LIX1: variants seen among roughly 807,000 people sequenced by gnomAD.
The protein encoded by LIX1 is protein limb expression 1 homolog.
In LIX1, 24 loss-of-function variants were observed where a neutral mutation model predicts 33.4. The observed-to-expected ratio is 0.72, with a 90% CI of 0.52 to 1.01. The LOEUF (loss-of-function observed/expected upper bound fraction) is 1.01, where lower values mean the gene tolerates loss of function less well. Among genes scored for constraint, LIX1 ranks in the 50% least tolerant of loss-of-function variants. The probability of loss-of-function intolerance (pLI) is 0.00; values close to 1 mark genes in which losing one functional copy is unlikely to be tolerated. For missense variants in LIX1, 311 were observed against 339.2 expected, an observed-to-expected ratio of 0.92 and a Z score of 0.65; for synonymous variants, 124 against 124.0, an observed-to-expected ratio of 1.00 and a Z score of 0.00.
chr5:97,107,487 C>T lies in LIX1; in HGVS notation c.260G>A (p.Arg87Lys). 1 of 1,614,048 alleles carries T rather than the reference C, an allele frequency of 6.2e-7. No individual in the cohort carries two copies. Among genetic ancestry groups the T allele is most frequent in the Non-Finnish European group, 8.5e-7 (1 of 1,179,986 alleles). Reference sequence around the variant, plus strand: ...AGCTGCATCCCGCCTGGCCTCGGCTCTACTTAAGCAGCACTTGAGAAGGGA... The same window carrying T: ...AGCTGCATCCCGCCTGGCCTCGGCTTTACTTAAGCAGCACTTGAGAAGGGA... ...CFGNFQCCLS[R>K]AEARRDAAKV... The change falls in exon 3 of 6, where the codon AGA becomes AAA. Residue 87 changes from arginine (R) to lysine (K), a missense_variant. Transcript: ENST00000274382.
At chr5:97,098,120 G>A (rs1228506318) in intron 4 of LIX1, among the ~76,000 whole-genome samples, 2 of 152,172 alleles carry the variant, frequency 1.3e-5, no homozygotes, top group South Asian at 2.1e-4. Context: ...TAAATTTATT[G>A]TAATTTTGTC....
intron 2 of LIX1, among the ~76,000 whole-genome samples, chr5:97,123,288 G>A (rs1000620888): frequency 2.9e-4 from 44 of 152,040 alleles, no homozygotes; most frequent in African/African-American, 1.0e-3. Context: ...TTGGATAGGG[G>A]AGGGCGATTG....
At chr5:97,123,121 A>T (rs377084077) in intron 2 of LIX1, among the ~76,000 whole-genome samples, 20 of 151,832 alleles carry the variant, frequency 1.3e-4, no homozygotes, top group African/African-American at 4.6e-4. Flanking sequence ...TTCTTCTTTT[A>T]TTTCCCCCAC....
intron 4 of LIX1, among the ~76,000 whole-genome samples, chr5:97,100,039 A>C (rs573771521): frequency 2.3e-4 from 35 of 152,242 alleles, no homozygotes; most frequent in Middle Eastern, 3.4e-3. Context: ...CCATCCTCTG[A>C]TAACTGTTGA....
intron 4 of LIX1, among the ~76,000 whole-genome samples, chr5:97,099,787 CG>C (rs1746592332): frequency 6.6e-6 from 1 of 152,116 alleles, no homozygotes; most frequent in Non-Finnish European, 1.5e-5. Context: ...CAGTCAGCTG[CG>C]ATCGCGATAC....
chr5:97,102,542 C>G lies in LIX1; in HGVS notation c.483+2648G>C, dbSNP rs191435676. On this transcript the variant is annotated intron_variant, in intron 4 of 5. Transcript: ENST00000274382. The stretch of plus-strand genomic sequence containing the variant: ...ATCTTCCTCTTCCTTTGTCTCCATC[C>G]TGTATCCAGACTCCTTTAGGAGAAT... Among the ~76,000 whole-genome samples the G allele has an allele frequency of 8.7e-4, 132 of 152,304 alleles. 1 individual carries two copies. Among genetic ancestry groups the G allele is most frequent in the African/African-American group, 3.1e-3 (128 of 41,560 alleles).
intron 5 of LIX1, among the ~76,000 whole-genome samples, chr5:97,096,232 G>A (rs1746369723): frequency 6.6e-6 from 1 of 152,166 alleles, no homozygotes; most frequent in African/African-American, 2.4e-5. Context: ...AAAGGGGGAA[G>A]GGTGCTTCTC....
chr5:97,139,251 T>C (rs1315319958), intron 1 of LIX1, among the ~76,000 whole-genome samples: 1 of 152,224 alleles, frequency 6.6e-6, no homozygotes, highest in Non-Finnish European at 1.5e-5. Flanking sequence ...AATAAATGTT[T>C]CTAGTACAGT....
intron 4 of LIX1, chr5:97,102,920 A>G: frequency 2.8e-6 from 1 of 359,190 alleles, no homozygotes; most frequent in South Asian, 2.1e-5. Flanking sequence ...GAATTAAATG[A>G]AATTCCTGCT....
chr5:97,114,052 G>T (rs1747554002), intron 2 of LIX1, among the ~76,000 whole-genome samples: 1 of 152,220 alleles, frequency 6.6e-6, no homozygotes, highest in Non-Finnish European at 1.5e-5. Flanking sequence ...CTAGGCCAGA[G>T]ATCAGATGTT....
intron 1 of LIX1, among the ~76,000 whole-genome samples, chr5:97,131,616 T>C (rs1748058229): frequency 6.6e-6 from 1 of 152,234 alleles, no homozygotes; most frequent in Non-Finnish European, 1.5e-5. Flanking sequence ...ACTGGGATTC[T>C]AGAGGGCAGC....
rs148627771 is a variant in LIX1 at position 97,141,906 on chromosome 5, A to G, written c.82+589T>C. On this transcript the variant is annotated intron_variant, in intron 1 of 5. Transcript: ENST00000274382. ...TTTTGAAATAACTTTGCCATGCTGT[A>G]TAAATTGGTGATGGTGGTAGGGGGT... Among the ~76,000 whole-genome samples, 79 of 152,338 alleles carry G rather than the reference A, an allele frequency of 5.2e-4. No homozygotes were observed. The East Asian group carries it at 0.015, about 29-fold the overall frequency.
At chr5:97,131,873 A>G (rs1748063663) in intron 1 of LIX1, among the ~76,000 whole-genome samples, 1 of 152,200 alleles carries the variant, frequency 6.6e-6, no homozygotes, top group African/African-American at 2.4e-5. Context: ...ACATGGGTGT[A>G]TTGGTGGCAA....
intron 4 of LIX1, among the ~76,000 whole-genome samples, chr5:97,103,752 T>G (rs1346095464): frequency 3.9e-5 from 6 of 152,018 alleles, no homozygotes; most frequent in Non-Finnish European, 5.9e-5. Flanking sequence ...GATCACGAGG[T>G]CAGGAGATGG....
intron 4 of LIX1, among the ~76,000 whole-genome samples, chr5:97,103,758 G>T (rs1746847865): frequency 6.6e-6 from 1 of 152,156 alleles, no homozygotes; most frequent in Non-Finnish European, 1.5e-5. Flanking sequence ...GAGGTCAGGA[G>T]ATGGAGACCA....
intron 1 of LIX1, among the ~76,000 whole-genome samples, chr5:97,141,975 T>G (rs1272369409): frequency 6.6e-6 from 1 of 152,256 alleles, no homozygotes; most frequent in African/African-American, 2.4e-5. Context: ...TCTCATTTTA[T>G]TGGCCTTTTA....
rs1746168567 is a variant in LIX1 at position 97,093,299 on chromosome 5, A to C, written c.*1449T>G. On this transcript the variant is annotated 3_prime_UTR_variant, in exon 6 of 6. Coordinates refer to ENST00000274382, the MANE Select transcript of LIX1 (RefSeq NM_153234.5). ...ATTATAATGGTTTTGCTTTCAGTGA[A>C]GCATGTATGCACTTGCATAAACAAA... 1 of 152,324 alleles carries C rather than the reference A, an allele frequency of 6.6e-6. No individual in the cohort carries two copies. Among genetic ancestry groups the C allele is most frequent in the Non-Finnish European group, 1.5e-5 (1 of 68,046 alleles). 9.4% of individuals were successfully genotyped at this position (152,324 alleles called of 1,614,324 possible).
intron 2 of LIX1, among the ~76,000 whole-genome samples, chr5:97,112,941 C>T (rs1185459734): frequency 2.6e-5 from 4 of 152,146 alleles, no homozygotes; most frequent in African/African-American, 9.7e-5. Context: ...TGCACTGCAC[C>T]AGAGTTCGTT....
Position 97,094,586 on chromosome 5 carries a change from G to T in LIX1, c.*162C>A. On this transcript the variant is annotated 3_prime_UTR_variant, in exon 6 of 6. Coordinates refer to ENST00000274382, the MANE Select transcript of LIX1 (RefSeq NM_153234.5). ...CGAGTGGCTTGTTGGGTCTTGTAAG[G>T]GTCCTACGACTCTCATACTCTGTAA... The T allele has an allele frequency of 1.6e-6, 1 of 625,120 alleles. No homozygotes were observed. The highest frequency in any genetic ancestry group is 2.8e-5 in the East Asian group (1 of 36,316). The allele number at this position is 625,120 out of a possible 1,614,324, so 38.7% of individuals were successfully genotyped here. A position where few individuals can be genotyped will look rare whatever the true frequency, so the allele number is the denominator to read the frequency against.
Sources: allele counts gnomAD v4.1 joint callset (sites outside exome capture counted in the v4.1 genomes callset), GRCh38; gene constraint gnomAD v4.1.1; transcripts MANE v1.5; gene names NCBI Gene and HGNC (gene_info 2026-07-23, HGNC 2026-07-21).